The following EVI5 variants were observed in gnomAD, a reference collection of about 807,000 sequenced individuals.
EVI5 encodes ecotropic viral integration site 5 protein homolog.
In EVI5, 73 loss-of-function variants were observed where a neutral mutation model predicts 112.0. The observed-to-expected ratio is 0.65, with a 90% CI of 0.54 to 0.79. EVI5 has a LOEUF of 0.79. EVI5 is among the 30% of genes least tolerant of loss of function. The probability of loss-of-function intolerance (pLI) is 0.00; values close to 1 mark genes in which losing one functional copy is unlikely to be tolerated. For synonymous variants in EVI5, 305 were observed against 319.9 expected (o/e 0.95, Z 0.50); for missense variants, 900 against 968.8 (o/e 0.93, Z 0.94).
chr1:92,631,048 T>C (rs1372370423), intron 14 of EVI5, among the ~76,000 whole-genome samples: 3 of 152,228 alleles, frequency 2.0e-5, no homozygotes, highest in African/African-American at 7.2e-5. Context: ...TATCTCTGTT[T>C]TGGTACCAGT....
Position 92,624,322 on chromosome 1 carries a change from G to A in EVI5, c.1681C>T (p.Arg561Cys), listed in dbSNP as rs201103592. 2.6e-5 allele frequency: 42 copies of A among 1,613,052 alleles called. No individual in the cohort carries two copies. The Admixed American group carries it at 4.5e-4, about 17-fold the overall frequency. Reference protein sequence around the residue: ...LEEHWQRHLARTTGRWKDPPK... With the variant: ...LEEHWQRHLACTTGRWKDPPK... ...GGGTCTTTCCATCTCCCAGTAGTAC[G>A]AGCTAAGTGGCGCTAAAGCATAAAA... is the stretch of plus-strand genomic sequence containing the variant. The change falls in exon 16 of 20, where the codon CGT (arginine) becomes TGT (cysteine). Residue 561 changes from arginine to cysteine, a missense_variant. By Grantham distance (180) the Arg-to-Cys change is radical. Coordinates refer to ENST00000684568, the MANE Select transcript of EVI5 (RefSeq NM_001350197.2).
intron 18 of EVI5, among the ~76,000 whole-genome samples, chr1:92,574,242 TTC>T (rs1325462224): frequency 2.6e-5 from 4 of 152,162 alleles, no homozygotes; most frequent in Non-Finnish European, 5.9e-5. Flanking sequence ...GTGTCACATA[TTC>T]TGTTTGTTGA....
intron 1 of EVI5, among the ~76,000 whole-genome samples, chr1:92,755,078 T>G (rs924203937): frequency 2.6e-5 from 4 of 151,116 alleles, no homozygotes; most frequent in Non-Finnish European, 4.4e-5. Context: ...GTTTTTTTTT[T>G]TTTTTTTTTT....
chr1:92,712,662 C>T (rs991458416), intron 2 of EVI5, among the ~76,000 whole-genome samples: 8 of 152,072 alleles, frequency 5.3e-5, no homozygotes, highest in African/African-American at 1.9e-4. Context: ...TGAAGATCTA[C>T]AGACCTTTCC....
At chr1:92,739,863 T>C (rs1678083812) in intron 1 of EVI5, among the ~76,000 whole-genome samples, 1 of 151,592 alleles carries the variant, frequency 6.6e-6, no homozygotes. Context: ...TATTCCCCCC[T>C]GGGTAAAGGG....
At chr1:92,577,521 C>T (rs1671264472) in intron 18 of EVI5, among the ~76,000 whole-genome samples, 1 of 152,208 alleles carries the variant, frequency 6.6e-6, no homozygotes. Context: ...CATAAGTTTT[C>T]ATCTGAACCA....
chr1:92,773,451 T>A (rs1202583846), intron 1 of EVI5, among the ~76,000 whole-genome samples: 2 of 152,092 alleles, frequency 1.3e-5, no homozygotes, highest in East Asian at 1.9e-4. Flanking sequence ...GTAAAAGATA[T>A]CACAATTCCA....
At chr1:92,568,732 T>C (rs1234240535) in intron 18 of EVI5, among the ~76,000 whole-genome samples, 1 of 152,176 alleles carries the variant, frequency 6.6e-6, no homozygotes, top group Non-Finnish European at 1.5e-5. Flanking sequence ...GCCTAATCAA[T>C]GTGAAGATAA....
intron 2 of EVI5, among the ~76,000 whole-genome samples, chr1:92,728,532 C>A (rs918756720): frequency 1.7e-4 from 26 of 152,088 alleles, no homozygotes; most frequent in African/African-American, 5.8e-4. Context: ...GGATTACAGG[C>A]ACCCGCCACC....
chr1:92,701,678 T>G (rs1190535056), intron 5 of EVI5, among the ~76,000 whole-genome samples: 1 of 152,004 alleles, frequency 6.6e-6, no homozygotes, highest in Non-Finnish European at 1.5e-5. Flanking sequence ...GGGGTAAAAG[T>G]GGCTGAGTAC....
At chr1:92,636,476 A>G (rs980621958) in intron 13 of EVI5, 140 bp from the exon 14 acceptor site, 2 of 642,374 alleles carry the variant, frequency 3.1e-6, no homozygotes, top group Non-Finnish European at 5.1e-6. Flanking sequence ...AATATTTCCA[A>G]TGTATCTCCT....
intron 1 of EVI5, among the ~76,000 whole-genome samples, chr1:92,752,455 G>A (rs560245542): frequency 3.9e-5 from 6 of 152,254 alleles, no homozygotes; most frequent in South Asian, 2.1e-4. Context: ...GATTACAGGC[G>A]TGAGCCACTC....
At position 92,607,645 on chromosome 1, in the gene EVI5, T is replaced by C. The variant is rs1369667329; in HGVS notation, c.1910A>G (p.Gln637Arg). 1.2e-6 allele frequency: 2 copies of C among 1,606,992 alleles called. No homozygotes were observed. Among genetic ancestry groups the C allele is most frequent in the Non-Finnish European group, 8.5e-7 (1 of 1,177,036 alleles). Residue 637 changes from glutamine to arginine, a missense_variant, in exon 17 of 20, where the codon CAG becomes CGG. Coordinates refer to ENST00000684568, the MANE Select transcript of EVI5 (RefSeq NM_001350197.2). ...LQEKVQYLSA[Q>R]NKGLLTQLSE... ...TAATTGAGTAAGGAGTCCTTTGTTC[T>C]GTGCAGAAAGATACTGCACTTTCTC... is the stretch of plus-strand genomic sequence containing the variant.
chr1:92,652,686 C>T (rs1254054016), intron 13 of EVI5, among the ~76,000 whole-genome samples: 1 of 152,138 alleles, frequency 6.6e-6, no homozygotes, highest in African/African-American at 2.4e-5. Flanking sequence ...GGTGTGTATG[C>T]ACAATCAAAT....
chr1:92,775,643 T>C (rs989525180), intron 1 of EVI5, among the ~76,000 whole-genome samples: 1 of 152,176 alleles, frequency 6.6e-6, no homozygotes, highest in Non-Finnish European at 1.5e-5. Context: ...TCTAAGTGTA[T>C]TCTACGATGT....
chr1:92,610,693 A>G (rs1257729599), intron 16 of EVI5, among the ~76,000 whole-genome samples: 1 of 152,232 alleles, frequency 6.6e-6, no homozygotes, highest in Admixed American at 6.5e-5. Context: ...GAGATTAGCT[A>G]TACTGAAGAA....
intron 18 of EVI5, among the ~76,000 whole-genome samples, chr1:92,596,268 G>C (rs1400816498): frequency 6.6e-6 from 1 of 152,266 alleles, no homozygotes; most frequent in African/African-American, 2.4e-5. Flanking sequence ...GCTCAGGTGG[G>C]AGGATCTCTT....
At chr1:92,775,638 G>A (rs1395262150) in intron 1 of EVI5, among the ~76,000 whole-genome samples, 1 of 152,090 alleles carries the variant, frequency 6.6e-6, no homozygotes, top group African/African-American at 2.4e-5. Flanking sequence ...CTTTGTCTAA[G>A]TGTATTCTAC....
intron 18 of EVI5, among the ~76,000 whole-genome samples, chr1:92,570,337 C>T (rs751896158): frequency 6.6e-6 from 1 of 151,120 alleles, no homozygotes; most frequent in Non-Finnish European, 1.5e-5. Flanking sequence ...GCAGGGGGGG[C>T]CTAATTTTGG....
Sources: allele counts gnomAD v4.1 joint callset (sites outside exome capture counted in the v4.1 genomes callset), GRCh38; gene constraint gnomAD v4.1.1; transcripts MANE v1.5; gene names NCBI Gene and HGNC (gene_info 2026-07-23, HGNC 2026-07-21).